PTPRD: variants seen among roughly 807,000 people sequenced by gnomAD.
The protein encoded by PTPRD is receptor-type tyrosine-protein phosphatase delta.
A neutral mutation model predicts 214.5 loss-of-function variants in PTPRD; 34 were observed. The observed-to-expected ratio is 0.16, with a 90% confidence interval of 0.12 to 0.21. The LOEUF is 0.21. Among genes scored for constraint, PTPRD ranks in the 10% least tolerant of loss-of-function variants. The pLI is 1.00. For missense variants in PTPRD, 2,545 were observed against 2,398.7 expected (o/e 1.06, Z -1.27); for synonymous variants, 1,128 against 845.7 (o/e 1.33, Z -5.79).
chr9:9,319,589 C>G (rs910974661), intron 9 of PTPRD, among the ~76,000 whole-genome samples: 1 of 152,108 alleles, frequency 6.6e-6, no homozygotes, highest in Non-Finnish European at 1.5e-5. Flanking sequence ...AGGCTCATTT[C>G]CCCATATGTC....
chr9:10,324,516 G>A (rs10959044), intron 3 of PTPRD, among the ~76,000 whole-genome samples: 8,507 of 152,062 alleles, frequency 0.056, 276 homozygotes, highest in South Asian at 0.092. Flanking sequence ...AAAAGGATAT[G>A]CATAGTAGTT....
At chr9:9,781,249 A>G (rs1299269685) in intron 5 of PTPRD, among the ~76,000 whole-genome samples, 1 of 152,228 alleles carries the variant, frequency 6.6e-6, no homozygotes, top group Non-Finnish European at 1.5e-5. Context: ...AAAGATGTCA[A>G]TAATGGGTTT....
intron 10 of PTPRD, among the ~76,000 whole-genome samples, chr9:9,103,023 T>C (rs138218164): frequency 1.3e-5 from 2 of 152,334 alleles, no homozygotes; most frequent in Non-Finnish European, 2.9e-5. Context: ...TCCTGGCTCT[T>C]ATTTGTGGAA....
intron 2 of PTPRD, among the ~76,000 whole-genome samples, chr9:10,562,668 A>C (rs960501920): frequency 1.3e-5 from 2 of 152,140 alleles, no homozygotes; most frequent in Admixed American, 6.6e-5. Flanking sequence ...CTGTAATGTT[A>C]ATTGTAATGT....
At chr9:10,432,865 C>T (rs944516367) in intron 2 of PTPRD, among the ~76,000 whole-genome samples, 4 of 151,928 alleles carry the variant, frequency 2.6e-5, no homozygotes, top group East Asian at 1.9e-4. Context: ...TGTTTCATAC[C>T]TCATTATTTT....
intron 4 of PTPRD, among the ~76,000 whole-genome samples, chr9:9,939,092 A>G (rs1267256381): frequency 2.0e-5 from 3 of 151,790 alleles, no homozygotes; most frequent in Admixed American, 6.6e-5. Flanking sequence ...TTTTATGCCT[A>G]TGCTCTTTTG....
At chr9:9,533,104 G>T (rs762434814) in intron 8 of PTPRD, among the ~76,000 whole-genome samples, 2 of 152,224 alleles carry the variant, frequency 1.3e-5, no homozygotes, top group African/African-American at 4.8e-5. Context: ...TTTGCATATA[G>T]ATAGCAGTGC....
At chr9:10,443,429 G>T (rs1018787531) in intron 2 of PTPRD, among the ~76,000 whole-genome samples, 16 of 151,426 alleles carry the variant, frequency 1.1e-4, no homozygotes, top group African/African-American at 3.6e-4. Context: ...TGAATCAAAC[G>T]AAATTTGACA....
chr9:9,788,557 A>T (rs1423286626), intron 5 of PTPRD, among the ~76,000 whole-genome samples: 1 of 151,204 alleles, frequency 6.6e-6, no homozygotes. Context: ...GTCTCAAAAA[A>T]AAAAAAAAGA....
intron 5 of PTPRD, among the ~76,000 whole-genome samples, chr9:9,783,621 T>C (rs577444562): frequency 3.9e-4 from 60 of 152,156 alleles, no homozygotes; most frequent in Non-Finnish European, 6.8e-4. Context: ...GTTGGAGAAA[T>C]CCAAGGAAGT....
At chr9:8,664,013 A>C (rs2097123070) in intron 12 of PTPRD, among the ~76,000 whole-genome samples, 1 of 152,152 alleles carries the variant, frequency 6.6e-6, no homozygotes, top group South Asian at 2.1e-4. Context: ...TGTCATGGAA[A>C]AATATTTCCT....
At chr9:8,718,340 C>T (rs2098457953) in intron 12 of PTPRD, among the ~76,000 whole-genome samples, 1 of 152,158 alleles carries the variant, frequency 6.6e-6, no homozygotes, top group South Asian at 2.1e-4. Flanking sequence ...ACGCAAGTAA[C>T]TGTTTTATTA....
chr9:8,814,105 T>G (rs1429430731), intron 11 of PTPRD, among the ~76,000 whole-genome samples: 2 of 152,220 alleles, frequency 1.3e-5, no homozygotes, highest in African/African-American at 2.4e-5. Context: ...CAATAAAAGT[T>G]TATTGATTTA....
chr9:10,322,243 C>T lies in PTPRD; in HGVS notation c.-545+18720G>A, dbSNP rs529371727. Among the ~76,000 whole-genome samples the T allele has an allele frequency of 5.9e-5, 9 of 152,054 alleles. No individual in the cohort carries two copies. In the South Asian group the frequency reaches 1.9e-3, roughly 32 times the overall value. ...TGACAGACCCATAAAAAAGATTATA[C>T]ATGATAAAATGGTGCAGTGTTGGCA... On this transcript the variant is annotated intron_variant, in intron 3 of 45. Coordinates refer to ENST00000381196, the MANE Select transcript of PTPRD (RefSeq NM_002839.4).
intron 3 of PTPRD, among the ~76,000 whole-genome samples, chr9:10,253,263 TG>T (rs1255191375): frequency 5.3e-5 from 8 of 152,304 alleles, no homozygotes; most frequent in African/African-American, 1.9e-4. Context: ...TAAGGGACTG[TG>T]GGTCTTCACA....
At chr9:9,132,450 T>C (rs941801875) in intron 10 of PTPRD, among the ~76,000 whole-genome samples, 2 of 152,200 alleles carry the variant, frequency 1.3e-5, no homozygotes, top group Non-Finnish European at 2.9e-5. Flanking sequence ...ATTTTATGCA[T>C]TGAAAGTCTT....
intron 4 of PTPRD, among the ~76,000 whole-genome samples, chr9:10,030,902 G>A (rs2097052957): frequency 6.6e-6 from 1 of 152,186 alleles, no homozygotes; most frequent in Non-Finnish European, 1.5e-5. Context: ...TCTTCATTGT[G>A]TTCTGGGAAA....
At chr9:10,099,111 A>G (rs934522170) in intron 3 of PTPRD, among the ~76,000 whole-genome samples, 3 of 151,798 alleles carry the variant, frequency 2.0e-5, no homozygotes, top group Admixed American at 1.3e-4. Flanking sequence ...GTTCCATAGA[A>G]GCTCATTGAG....
intron 3 of PTPRD, among the ~76,000 whole-genome samples, chr9:10,065,513 T>C (rs1303321003): frequency 1.3e-5 from 2 of 151,952 alleles, no homozygotes; most frequent in Non-Finnish European, 2.9e-5. Flanking sequence ...CATTTGATTT[T>C]TGTTATAGTG....
Sources: allele counts gnomAD v4.1 joint callset (sites outside exome capture counted in the v4.1 genomes callset), GRCh38; gene constraint gnomAD v4.1.1; transcripts MANE v1.5; gene names NCBI Gene and HGNC (gene_info 2026-07-23, HGNC 2026-07-21).